Variants in THSD4 observed in about 807,000 individuals in gnomAD.
The protein encoded by THSD4 is thrombospondin type 1 domain containing 4, also known as thrombospondin type-1 domain-containing protein 4.
In THSD4, 69 loss-of-function variants were observed where a neutral mutation model predicts 119.0. That is an observed-to-expected ratio of 0.58 (90% CI 0.48 to 0.71). The LOEUF is 0.71. THSD4 is among the 30% of genes least tolerant of loss of function. The probability of loss-of-function intolerance (pLI) is 0.00; values close to 1 mark genes in which losing one functional copy is unlikely to be tolerated. For synonymous variants in THSD4, 524 were observed against 540.4 expected (o/e 0.97, Z 0.42); for missense variants, 1,393 against 1,391.1 (o/e 1.00, Z -0.02).
At chr15:71,378,564 T>C (rs959686160) in intron 6 of THSD4, among the ~76,000 whole-genome samples, 6 of 152,234 alleles carry the variant, frequency 3.9e-5, no homozygotes, top group Admixed American at 1.3e-4. Context: ...AGGAAAACAA[T>C]GTAATGCAGT....
intron 1 of THSD4, among the ~76,000 whole-genome samples, chr15:71,106,361 A>T (rs572727859): frequency 9.9e-5 from 15 of 152,174 alleles, no homozygotes; most frequent in African/African-American, 3.6e-4. Flanking sequence ...GACTTTCCCT[A>T]AGCTCCCACC....
At chr15:71,163,053 T>C (rs2043261377) in intron 3 of THSD4, among the ~76,000 whole-genome samples, 1 of 152,040 alleles carries the variant, frequency 6.6e-6, no homozygotes. Context: ...CATTGACTTG[T>C]TTGTCTGTGT....
At chr15:71,247,411 C>G (rs2044214590) in intron 5 of THSD4, among the ~76,000 whole-genome samples, 4 of 152,138 alleles carry the variant, frequency 2.6e-5, no homozygotes, top group Admixed American at 2.6e-4. Flanking sequence ...AGGCTCTTGC[C>G]TTATGCAGCT....
At chr15:71,763,122 G>A (rs1344175140) in intron 15 of THSD4, among the ~76,000 whole-genome samples, 3 of 151,932 alleles carry the variant, frequency 2.0e-5, no homozygotes, top group South Asian at 2.1e-4. Flanking sequence ...TTAATGCTAC[G>A]AAGATGGCAA....
At chr15:71,364,653 TCAA>T (rs2045933035) in intron 6 of THSD4, among the ~76,000 whole-genome samples, 1 of 152,350 alleles carries the variant, frequency 6.6e-6, no homozygotes, top group African/African-American at 2.4e-5. Context: ...GTTTTGTACA[TCAA>T]CGTTTCCAGA....
chr15:71,654,666 G>A (rs1288645868), intron 7 of THSD4, among the ~76,000 whole-genome samples: 1 of 152,122 alleles, frequency 6.6e-6, no homozygotes. Context: ...ATGAATAAAC[G>A]TTTTGGCATC....
At chr15:71,100,096 T>C (rs2040247956) in intron 1 of THSD4, among the ~76,000 whole-genome samples, 1 of 152,208 alleles carries the variant, frequency 6.6e-6, no homozygotes, top group African/African-American at 2.4e-5. Context: ...TTTTAACTGG[T>C]AGGTCTGTTG....
chr15:71,564,616 T>C (rs1430508338), intron 7 of THSD4, among the ~76,000 whole-genome samples: 1 of 141,044 alleles, frequency 7.1e-6, no homozygotes, highest in Non-Finnish European at 1.6e-5. Context: ...TTGTACATTA[T>C]GCGTAATACA....
intron 6 of THSD4, among the ~76,000 whole-genome samples, chr15:71,340,681 C>A (rs1458117283): frequency 6.7e-6 from 1 of 148,394 alleles, no homozygotes; most frequent in Non-Finnish European, 1.5e-5. Flanking sequence ...TCTCTGCTTG[C>A]TGCAACCTCT....
intron 5 of THSD4, among the ~76,000 whole-genome samples, chr15:71,243,758 T>A (rs2044174553): frequency 6.6e-6 from 1 of 150,804 alleles, no homozygotes; most frequent in Non-Finnish European, 1.5e-5. Flanking sequence ...TAAAAACTCA[T>A]AAGCCAGGCC....
chr15:71,428,651 G>T (rs1312117843), intron 7 of THSD4, among the ~76,000 whole-genome samples: 1 of 152,054 alleles, frequency 6.6e-6, no homozygotes. Flanking sequence ...GGTTAAAATG[G>T]GTTTTTGAGG....
chr15:71,335,344 T>G (rs2045477016), intron 6 of THSD4, among the ~76,000 whole-genome samples: 1 of 152,152 alleles, frequency 6.6e-6, no homozygotes, highest in Non-Finnish European at 1.5e-5. Context: ...CTACTCTGTT[T>G]AGGACTTGAA....
chr15:71,589,719 C>T (rs2049758337), intron 7 of THSD4, among the ~76,000 whole-genome samples: 1 of 139,124 alleles, frequency 7.2e-6, no homozygotes, highest in Non-Finnish European at 1.6e-5. Flanking sequence ...CCAGAAAATC[C>T]CTTGTACATG....
intron 7 of THSD4, among the ~76,000 whole-genome samples, chr15:71,504,456 G>A (rs1056294832): frequency 1.3e-5 from 2 of 152,112 alleles, no homozygotes; most frequent in Non-Finnish European, 2.9e-5. Context: ...TTTCAGAAGC[G>A]TAAAGACTAA....
chr15:71,438,272 T>C (rs1012138650), intron 7 of THSD4, among the ~76,000 whole-genome samples: 4 of 152,246 alleles, frequency 2.6e-5, no homozygotes, highest in African/African-American at 9.6e-5. Context: ...AAAGAGATTA[T>C]TGTGTAAATT....
intron 7 of THSD4, among the ~76,000 whole-genome samples, chr15:71,444,053 T>G (rs2047147671): frequency 6.6e-6 from 1 of 152,202 alleles, no homozygotes; most frequent in African/African-American, 2.4e-5. Flanking sequence ...TAAAAAAAAG[T>G]TCCTAAGAAC....
At chr15:71,629,680 C>G (rs2050582058) in intron 7 of THSD4, among the ~76,000 whole-genome samples, 1 of 152,172 alleles carries the variant, frequency 6.6e-6, no homozygotes, top group Non-Finnish European at 1.5e-5. Context: ...CCTCCCCACA[C>G]CCCACTCCAC....
At chr15:71,109,769 C>T (rs1161526200) in intron 1 of THSD4, among the ~76,000 whole-genome samples, 3 of 150,872 alleles carry the variant, frequency 2.0e-5, no homozygotes, top group Non-Finnish European at 4.4e-5. Flanking sequence ...CAGGAACACT[C>T]TGGCAGCACT....
At chr15:71,490,608 T>C (rs2047903849) in intron 7 of THSD4, among the ~76,000 whole-genome samples, 1 of 140,402 alleles carries the variant, frequency 7.1e-6, no homozygotes, top group South Asian at 2.2e-4. Flanking sequence ...GGTGCATGCC[T>C]GTAATCCCAG....
Sources: allele counts gnomAD v4.1 joint callset (sites outside exome capture counted in the v4.1 genomes callset), GRCh38; gene constraint gnomAD v4.1.1; transcripts MANE v1.5; gene names NCBI Gene and HGNC (gene_info 2026-07-23, HGNC 2026-07-21).